Variants in LRMDA observed in about 807,000 individuals in gnomAD.
LRMDA encodes the protein leucine rich melanocyte differentiation associated, also known as leucine-rich melanocyte differentiation-associated protein.
Under a neutral mutation model 29.8 loss-of-function variants are expected in LRMDA, and 18 were observed. That is an observed-to-expected ratio of 0.60 (90% CI 0.42 to 0.90). The LOEUF (loss-of-function observed/expected upper bound fraction) is 0.90. Among genes scored for constraint, LRMDA ranks in the 40% least tolerant of loss-of-function variants. The pLI is 0.00. For missense variants in LRMDA, 273 were observed against 273.9 expected (o/e 1.00, Z 0.02); for synonymous variants, 125 against 109.4 (o/e 1.14, Z -0.89).
intron 2 of LRMDA, among the ~76,000 whole-genome samples, chr10:75,755,191 G>A (rs1843017231): frequency 6.6e-6 from 1 of 151,932 alleles, no homozygotes; most frequent in African/African-American, 2.4e-5. Context: ...TCTGTTCTTT[G>A]CACATCACTT....
At chr10:75,608,129 T>TATATATATATATATATATATACACAC (rs11271217) in intron 2 of LRMDA, among the ~76,000 whole-genome samples, 33 of 89,488 alleles carry the variant, frequency 3.7e-4, no homozygotes, top group East Asian at 6.5e-4. Context: ...TATATATATA[T>TATATATATATATATATATATACACAC]ACACACACAT....
At chr10:76,414,381 T>A (rs763701748) in intron 6 of LRMDA, among the ~76,000 whole-genome samples, 1 of 152,190 alleles carries the variant, frequency 6.6e-6, no homozygotes, top group African/African-American at 2.4e-5. Context: ...TATGAAGTTA[T>A]GGTGCTATAC....
chr10:76,475,516 C>T (rs1842659515), intron 6 of LRMDA, among the ~76,000 whole-genome samples: 1 of 151,976 alleles, frequency 6.6e-6, no homozygotes, highest in African/African-American at 2.4e-5. Flanking sequence ...CAAGGATATC[C>T]AGGAATTGAA....
At chr10:75,605,614 C>T (rs1840946690) in intron 2 of LRMDA, among the ~76,000 whole-genome samples, 1 of 152,230 alleles carries the variant, frequency 6.6e-6, no homozygotes, top group African/African-American at 2.4e-5. Flanking sequence ...ACATTCTAAC[C>T]CCTCCTGCCG....
chr10:76,283,223 A>C lies in LRMDA; in HGVS notation c.517-41178A>C, dbSNP rs527550368. 3.3e-5 allele frequency among the ~76,000 whole-genome samples: 5 copies of C among 152,356 alleles called. No homozygotes were observed. The South Asian group carries it at 1.0e-3, about 32-fold the overall frequency. ...TTTATTGATTATCTACTGTGGCCACATGTCTTCACTGAGTACTAGTACAGC... is the reference window on the plus strand; with the variant it reads ...TTTATTGATTATCTACTGTGGCCACCTGTCTTCACTGAGTACTAGTACAGC... On this transcript the variant is annotated intron_variant, in intron 5 of 6. Transcript: ENST00000611255.
intron 6 of LRMDA, among the ~76,000 whole-genome samples, chr10:76,520,552 T>A (rs1843108465): frequency 6.6e-6 from 1 of 152,166 alleles, no homozygotes; most frequent in Admixed American, 6.5e-5. Context: ...CCCATAAAAT[T>A]AGGGACATCT....
chr10:75,578,211 A>C (rs1840532979), intron 2 of LRMDA, among the ~76,000 whole-genome samples: 1 of 135,268 alleles, frequency 7.4e-6, no homozygotes, highest in Non-Finnish European at 1.6e-5. Flanking sequence ...AAGCAAATGG[A>C]AAGCAAAAAA....
At chr10:76,441,649 G>A (rs551597800) in intron 6 of LRMDA, among the ~76,000 whole-genome samples, 19 of 152,164 alleles carry the variant, frequency 1.2e-4, no homozygotes, top group Non-Finnish European at 2.5e-4. Context: ...GGGAGTGGCA[G>A]CCTTTCCAGC....
intron 2 of LRMDA, among the ~76,000 whole-genome samples, chr10:75,918,703 T>A (rs1241790942): frequency 6.6e-6 from 1 of 152,186 alleles, no homozygotes; most frequent in East Asian, 1.9e-4. Context: ...AACTGAGCCA[T>A]AAGCAATGTG....
In LRMDA at chr10:75,475,292, G is replaced by T. The variant is rs1406931986; in HGVS notation, c.131+36798G>T. On this transcript the variant is annotated intron_variant, in intron 2 of 6. Coordinates refer to ENST00000611255, the MANE Select transcript of LRMDA (RefSeq NM_001305581.2). The stretch of plus-strand genomic sequence containing the variant: ...CTCCTGTGAGGCCTCTTGGGAGGCT[G>T]TCCCTGGAGATTAGCATGGGTGTTG... Among the ~76,000 whole-genome samples, 3 of 152,210 alleles carry T rather than the reference G, an allele frequency of 2.0e-5. No individual in the cohort carries two copies. In the East Asian group the frequency reaches 5.8e-4, roughly 29 times the overall value.
chr10:76,462,624 G>A (rs966925202), intron 6 of LRMDA, among the ~76,000 whole-genome samples: 7 of 152,102 alleles, frequency 4.6e-5, no homozygotes, highest in Non-Finnish European at 8.8e-5. Flanking sequence ...CTGGCATCCC[G>A]CACCATCTTT....
At chr10:75,750,317 C>T (rs374459482) in intron 2 of LRMDA, among the ~76,000 whole-genome samples, 4 of 151,760 alleles carry the variant, frequency 2.6e-5, no homozygotes, top group South Asian at 2.1e-4. Flanking sequence ...ACCTCCCTCC[C>T]GGACGGGGCA....
At chr10:76,244,214 G>C (rs1177075191) in intron 5 of LRMDA, among the ~76,000 whole-genome samples, 1 of 152,112 alleles carries the variant, frequency 6.6e-6, no homozygotes, top group Non-Finnish European at 1.5e-5. Flanking sequence ...TATTACACTT[G>C]TCTCTCAGTA....
At chr10:75,930,273 T>C (rs1198203303) in intron 2 of LRMDA, among the ~76,000 whole-genome samples, 7 of 152,102 alleles carry the variant, frequency 4.6e-5, no homozygotes, top group African/African-American at 9.7e-5. Context: ...AAAATGAGAA[T>C]GGAGGAAGGG....
chr10:75,839,306 C>T (rs888531489), intron 2 of LRMDA, among the ~76,000 whole-genome samples: 4 of 152,216 alleles, frequency 2.6e-5, no homozygotes, highest in Non-Finnish European at 4.4e-5. Flanking sequence ...TGAATTTTCA[C>T]AGGCATCCTT....
At chr10:76,399,262 A>T (rs1841822451) in intron 6 of LRMDA, among the ~76,000 whole-genome samples, 1 of 152,198 alleles carries the variant, frequency 6.6e-6, no homozygotes, top group African/African-American at 2.4e-5. Context: ...CTTTGCCTGC[A>T]TCTAGACCTC....
intron 1 of LRMDA, among the ~76,000 whole-genome samples, chr10:75,434,204 A>G (rs1446185535): frequency 2.0e-5 from 3 of 152,224 alleles, no homozygotes; most frequent in African/African-American, 7.2e-5. Context: ...ATATTGGAAT[A>G]ATGAATCCCT....
At chr10:75,718,996 G>C (rs754634810) in intron 2 of LRMDA, among the ~76,000 whole-genome samples, 1 of 152,176 alleles carries the variant, frequency 6.6e-6, no homozygotes, top group Non-Finnish European at 1.5e-5. Context: ...AAGTGAAGCA[G>C]ATTAACAAAT....
chr10:76,084,851 T>TA (rs1019688355), intron 5 of LRMDA, among the ~76,000 whole-genome samples: 1 of 152,228 alleles, frequency 6.6e-6, no homozygotes, highest in African/African-American at 2.4e-5. Flanking sequence ...ACATTGCTCA[T>TA]TAATAGCAGG....
Sources: allele counts gnomAD v4.1 joint callset (sites outside exome capture counted in the v4.1 genomes callset), GRCh38; gene constraint gnomAD v4.1.1; transcripts MANE v1.5; gene names NCBI Gene and HGNC (gene_info 2026-07-23, HGNC 2026-07-21).